Variants in CACNA1D observed in about 807,000 individuals in gnomAD.
The protein encoded by CACNA1D is calcium voltage-gated channel subunit alpha1 D.
A neutral mutation model predicts 257.1 loss-of-function variants in CACNA1D; 55 were observed. The ratio of observed to expected loss-of-function variants is 0.21; its 90% CI spans 0.17 to 0.27. CACNA1D has a LOEUF of 0.27. Among genes scored for constraint, CACNA1D ranks in the 10% least tolerant of loss-of-function variants. The pLI is 1.00. For synonymous variants in CACNA1D, 980 were observed against 1,014.9 expected (o/e 0.97, Z 0.65); for missense variants, 1,876 against 2,784.0 (o/e 0.67, Z 7.34).
At chr3:53,785,632 G>C (rs2095448841) in intron 39 of CACNA1D, 1 of 152,232 alleles carries the variant, frequency 6.6e-6, no homozygotes, top group Admixed American at 6.5e-5. Flanking sequence ...GTGACTCTGA[G>C]GGCTCATGAT....
At chr3:53,717,277 C>T (rs2094829754) in intron 9 of CACNA1D, among the ~76,000 whole-genome samples, 1 of 152,244 alleles carries the variant, frequency 6.6e-6, no homozygotes, top group South Asian at 2.1e-4. Context: ...GCACAGACCC[C>T]TGAGGTAGCT....
At position 53,668,934 on chromosome 3, in the gene CACNA1D, G is replaced by A. The variant is rs1443011814; in HGVS notation, c.1116+2399G>A. Among the ~76,000 whole-genome samples the A allele has an allele frequency of 2.0e-5, 3 of 151,970 alleles. No individual in the cohort carries two copies. In the East Asian group the frequency reaches 5.8e-4, roughly 29 times the overall value. On this transcript the variant is annotated intron_variant, in intron 7 of 47. Transcript: ENST00000350061. ...TTTCAAATTGTAAAAATCATTTTTAGCTTGAGGCCATATAAAAGCATACAG... is the reference window on the plus strand; with the variant it reads ...TTTCAAATTGTAAAAATCATTTTTAACTTGAGGCCATATAAAAGCATACAG...
At chr3:53,543,062 T>TA (rs761445995) in intron 3 of CACNA1D, among the ~76,000 whole-genome samples, 36 of 135,140 alleles carry the variant, frequency 2.7e-4, no homozygotes, top group Non-Finnish European at 3.5e-4. Flanking sequence ...ACATGTACCC[T>TA]AAAACTTAAA....
At chr3:53,508,474 C>A (rs966274512) in intron 3 of CACNA1D, among the ~76,000 whole-genome samples, 1 of 152,068 alleles carries the variant, frequency 6.6e-6, no homozygotes, top group East Asian at 1.9e-4. Context: ...CTCTCTCTTC[C>A]CCCACCACCC....
At chr3:53,633,068 A>C (rs1166210354) in intron 3 of CACNA1D, among the ~76,000 whole-genome samples, 1 of 152,264 alleles carries the variant, frequency 6.6e-6, no homozygotes, top group Non-Finnish European at 1.5e-5. Context: ...TTGTCTGTGA[A>C]GCTCAATAAA....
intron 3 of CACNA1D, among the ~76,000 whole-genome samples, chr3:53,505,296 A>G (rs551804137): frequency 1.3e-5 from 2 of 151,710 alleles, no homozygotes; most frequent in African/African-American, 4.8e-5. Context: ...TTTTTAGTAG[A>G]GATGGGGTTT....
intron 3 of CACNA1D, among the ~76,000 whole-genome samples, chr3:53,533,335 C>T (rs933803406): frequency 1.3e-5 from 2 of 152,056 alleles, no homozygotes; most frequent in Admixed American, 6.5e-5. Flanking sequence ...GTTTAAAAAT[C>T]GCGTATGTGG....
intron 2 of CACNA1D, among the ~76,000 whole-genome samples, chr3:53,499,330 T>C (rs920525243): frequency 3.9e-5 from 6 of 152,124 alleles, no homozygotes; most frequent in Non-Finnish European, 5.9e-5. Context: ...TTTCTCTTTT[T>C]TTAATGACAG....
chr3:53,752,531 C>T (rs1476839964), intron 28 of CACNA1D, among the ~76,000 whole-genome samples: 3 of 152,200 alleles, frequency 2.0e-5, no homozygotes, highest in African/African-American at 7.2e-5. Context: ...TTCTGAGTAG[C>T]TACGATTACA....
intron 9 of CACNA1D, among the ~76,000 whole-genome samples, chr3:53,713,653 T>C (rs3821858): frequency 0.072 from 10,937 of 152,204 alleles, 486 homozygotes; most frequent in Middle Eastern, 0.12. Context: ...AAAATGCTAG[T>C]TGTGCTTACC....
chr3:53,702,900 C>A, intron 9 of CACNA1D, 90 bp downstream of exon 9: 3 of 1,420,468 alleles, frequency 2.1e-6, no homozygotes, highest in South Asian at 1.2e-5. Flanking sequence ...CTGACCCAGG[C>A]TGTGAGTGGG....
At chr3:53,709,741 C>G (rs543916027) in intron 9 of CACNA1D, among the ~76,000 whole-genome samples, 1 of 152,274 alleles carries the variant, frequency 6.6e-6, no homozygotes, top group East Asian at 1.9e-4. Flanking sequence ...ACCTGGTGGT[C>G]ATGGGAGAGT....
In CACNA1D at chr3:53,666,330, T is replaced by C. The variant is rs2108366785; in HGVS notation, c.920-9T>C. 9.3e-6 allele frequency: 15 copies of C among 1,613,214 alleles called. No individual in the cohort carries two copies. Among genetic ancestry groups the C allele is most frequent in the Non-Finnish European group, 1.2e-5 (14 of 1,179,616 alleles). ...CCTGAGCGGTACAGCCTGTTTGCTC[T>C]GTTTGCAGATATCGTAGCTGAAGAG... On this transcript the variant is annotated splice_polypyrimidine_tract_variant and intron_variant, in intron 6 of 47. Transcript: ENST00000350061.
rs550785418 is a variant in CACNA1D at position 53,646,479 on chromosome 3, G to A, written c.484-4300G>A. On this transcript the variant is annotated intron_variant, in intron 3 of 47. Transcript: ENST00000350061. ...CTAGATCTATAGCTTTATTCCTTTC[G>A]GTTTTTTTCTTCTCTGCTTTCTAGT... is the stretch of plus-strand genomic sequence containing the variant. 1.3e-4 allele frequency among the ~76,000 whole-genome samples: 19 copies of A among 151,960 alleles called. 1 individual carries two copies. The South Asian group carries it at 3.3e-3, about 27-fold the overall frequency.
At position 53,789,705 on chromosome 3, in the gene CACNA1D, A is replaced by C. The variant is rs1344807241; in HGVS notation, c.4923+2753A>C. On this transcript the variant is annotated intron_variant, in intron 40 of 47. Transcript: ENST00000350061. This position sits in a 1 kb window ranked among gnomAD's most constrained non-coding sequence, Gnocchi z 4.2. ...AGCATGGCCGTCGCAGTGTGAGCGC[A>C]GAAGTGCGGACCTAGGCATGTGCGT... Among the ~76,000 whole-genome samples, 1 of 152,252 alleles carries C rather than the reference A, an allele frequency of 6.6e-6. No individual in the cohort carries two copies. Among genetic ancestry groups the C allele is most frequent in the African/African-American group, 2.4e-5 (1 of 41,478 alleles).
At chr3:53,651,371 T>TTTTTTTTTTTTTTC (rs2094093558) in intron 4 of CACNA1D, among the ~76,000 whole-genome samples, 1 of 128,476 alleles carries the variant, frequency 7.8e-6, no homozygotes, top group Non-Finnish European at 1.5e-5. Flanking sequence ...ATTTTCTTTT[T>TTTTTTTTTTTTTTC]TTTTTTTTTT....
intron 26 of CACNA1D, 44 bp downstream of exon 26, chr3:53,747,492 G>A (rs772443843): frequency 1.4e-5 from 22 of 1,602,560 alleles, no homozygotes; most frequent in Admixed American, 8.3e-5. Context: ...GCACCTGCGT[G>A]CCCAGGGCTG....
intron 3 of CACNA1D, among the ~76,000 whole-genome samples, chr3:53,515,183 G>A (rs977455065): frequency 2.0e-5 from 3 of 152,134 alleles, no homozygotes; most frequent in African/African-American, 7.2e-5. Flanking sequence ...TACCCACAAG[G>A]CTTGGTGGTT....
At position 53,566,973 on chromosome 3, in the gene CACNA1D, G is replaced by A. The variant is rs548900637; in HGVS notation, c.483+65253G>A. 1.4e-4 allele frequency among the ~76,000 whole-genome samples: 22 copies of A among 152,320 alleles called. No homozygotes were observed. In the South Asian group the frequency reaches 3.7e-3, roughly 26 times the overall value. ...TCAGCTATCTGTTAAGAAGGCATGC[G>A]GGTAGCAGTCATCCTCCCCAAGGGG... On this transcript the variant is annotated intron_variant, in intron 3 of 47. Transcript: ENST00000350061.
Sources: gnomAD v4.1 joint callset for allele counts (sites outside exome capture counted in the v4.1 genomes callset) on GRCh38, gnomAD v4.1.1 for gene constraint, Gnocchi (gnomAD v3.1) non-coding constraint, MANE v1.5 for transcripts, NCBI Gene and HGNC (gene_info 2026-07-23, HGNC 2026-07-21) for gene names.